The following WNT3 variants were observed in gnomAD, a reference collection of about 807,000 sequenced individuals.
WNT3 encodes the protein Wnt family member 3, also known as proto-oncogene Wnt-3.
A neutral mutation model predicts 34.2 loss-of-function variants in WNT3; 7 were observed. The ratio of observed to expected loss-of-function variants is 0.20; its 90% CI spans 0.12 to 0.38. The LOEUF is 0.38. WNT3 is among the 10% of genes least tolerant of loss of function. The probability of loss-of-function intolerance (pLI) is 1.00; values close to 1 mark genes in which losing one functional copy is unlikely to be tolerated. For synonymous variants in WNT3, 212 were observed against 211.5 expected, an observed-to-expected ratio of 1.00 and a Z score of -0.02; for missense variants, 267 against 499.8, an observed-to-expected ratio of 0.53 and a Z score of 4.44.
chr17:46,785,452 A>T (rs1010844773), intron 1 of WNT3, among the ~76,000 whole-genome samples: 4 of 152,248 alleles, frequency 2.6e-5, no homozygotes, highest in African/African-American at 9.6e-5. Flanking sequence ...GAGAAAAGAT[A>T]ACCAAGGAAA....
At chr17:46,779,103 A>ACACACACAC (rs749719578) in intron 1 of WNT3, among the ~76,000 whole-genome samples, 325 of 133,628 alleles carry the variant, frequency 2.4e-3, no homozygotes, top group African/African-American at 8.1e-3. Context: ...ACACACACAC[A>ACACACACAC]CCCCAGCCCA....
At position 46,818,392 on chromosome 17, in the gene WNT3, G is replaced by A. The variant is rs1218151986; in HGVS notation, c.80+126C>T. 41 of 883,130 alleles carry A rather than the reference G, an allele frequency of 4.6e-5. No individual in the cohort carries two copies. In the East Asian group the frequency reaches 1.1e-3, roughly 24 times the overall value. 54.7% of individuals were successfully genotyped at this position (883,130 alleles called of 1,614,324 possible). ...GAAAATCCAGGAGGGGTGGGCGGGT[G>A]GGGGGCTGGAGGGAGGCGAGGAGAG... On this transcript the variant is annotated intron_variant, in intron 1 of 4. Coordinates refer to ENST00000225512, the MANE Select transcript of WNT3 (RefSeq NM_030753.5).
At position 46,768,012 on chromosome 17, in the gene WNT3, T is replaced by C. The variant is rs1179049451; in HGVS notation, c.*8+300A>G. On this transcript the variant is annotated intron_variant, in intron 4 of 4. Transcript: ENST00000225512. The surrounding 1 kb of genome is among the most constrained non-coding windows in gnomAD (Gnocchi z 5.0). ...CATGTTGGCCAGGCCGGTCTCGAACTCCTGACCTCAGGTGATCCGTCCACC... is the reference window on the plus strand; with the variant it reads ...CATGTTGGCCAGGCCGGTCTCGAACCCCTGACCTCAGGTGATCCGTCCACC... Among the ~76,000 whole-genome samples, 1 of 152,168 alleles carries C rather than the reference T, an allele frequency of 6.6e-6. No individual in the cohort carries two copies. The highest frequency in any genetic ancestry group is 6.5e-5 in the Admixed American group (1 of 15,270).
rs137899307 is a variant in WNT3, at chr17:46,792,694, G to A, written c.81-18785C>T. ...TCACTATGTTGACCAGGCTAGCCTC[G>A]AACTACTGACCACGTGATCTGCCCA... On this transcript the variant is annotated intron_variant, in intron 1 of 4. Coordinates refer to ENST00000225512, the MANE Select transcript of WNT3 (RefSeq NM_030753.5). Among the ~76,000 whole-genome samples, 1,177 of 152,094 alleles carry A rather than the reference G, an allele frequency of 7.7e-3. 14 individuals carry two copies. The highest frequency in any genetic ancestry group is 0.027 in the African/African-American group (1,128 of 41,480).
At chr17:46,792,795 G>T (rs1412267489) in intron 1 of WNT3, among the ~76,000 whole-genome samples, 1 of 152,196 alleles carries the variant, frequency 6.6e-6, no homozygotes, top group Non-Finnish European at 1.5e-5. Context: ...AATAATAATA[G>T]TTAACATTTA....
chr17:46,779,103 A>ACACACACACACACACACACACACCCCCC (rs749719578), intron 1 of WNT3, among the ~76,000 whole-genome samples: 1 of 133,664 alleles, frequency 7.5e-6, no homozygotes, highest in African/African-American at 2.7e-5. Flanking sequence ...ACACACACAC[A>ACACACACACACACACACACACACCCCCC]CCCCAGCCCA....
chr17:46,779,096 CA>C lies in WNT3; in HGVS notation c.81-5188del, dbSNP rs1568079859. Among the ~76,000 whole-genome samples the C allele has an allele frequency of 2.5e-4, 34 of 135,502 alleles. 1 individual carries two copies. In the East Asian group the frequency reaches 3.9e-3, roughly 16 times the overall value. The allele number at this position is 135,502 out of a possible 152,430, so 88.9% of individuals were successfully genotyped here. The stretch of plus-strand genomic sequence containing the variant: ...ACACACACACACACACACACACACA[CA>C]CACACACCCCAGCCCACTCGGCCTT... On this transcript the variant is annotated intron_variant, in intron 1 of 4. Transcript: ENST00000225512.
chr17:46,805,282 A>G (rs186840232), intron 1 of WNT3, among the ~76,000 whole-genome samples: 3 of 151,794 alleles, frequency 2.0e-5, no homozygotes, highest in East Asian at 3.9e-4. Flanking sequence ...TACAAAAAAA[A>G]AGAAAAAAGG....
intron 1 of WNT3, among the ~76,000 whole-genome samples, chr17:46,815,372 G>C (rs1208372945): frequency 6.6e-6 from 1 of 152,166 alleles, no homozygotes; most frequent in African/African-American, 2.4e-5. Flanking sequence ...GTCAGGACTG[G>C]GGTCTGAGCA....
At chr17:46,781,495 C>A (rs1010696671) in intron 1 of WNT3, among the ~76,000 whole-genome samples, 16 of 151,916 alleles carry the variant, frequency 1.1e-4, no homozygotes, top group African/African-American at 3.9e-4. Flanking sequence ...AGCAACCAGA[C>A]ACATAAGGAC....
intron 1 of WNT3, among the ~76,000 whole-genome samples, chr17:46,785,387 G>T (rs1359346415): frequency 1.3e-5 from 2 of 152,214 alleles, no homozygotes; most frequent in East Asian, 3.9e-4. Context: ...TGACTGAGTG[G>T]AAGGGGATAT....
In WNT3 at chr17:46,804,237, G is replaced by A. The variant is rs149880703; in HGVS notation, c.80+14281C>T. Among the ~76,000 whole-genome samples the A allele has an allele frequency of 4.0e-3, 611 of 152,122 alleles. 6 individuals are homozygous for A. Among genetic ancestry groups the A allele is most frequent in the African/African-American group, 0.013 (556 of 41,496 alleles). On this transcript the variant is annotated intron_variant, in intron 1 of 4. Transcript: ENST00000225512. Reference sequence around the variant, plus strand: ...CCAGCAGCTGGGACTACAGGTGCGTGCCACCACACCCGGCTAATTTTTGTA... The same window carrying A: ...CCAGCAGCTGGGACTACAGGTGCGTACCACCACACCCGGCTAATTTTTGTA...
rs572061643 is a variant in WNT3 at position 46,813,194 on chromosome 17, G to A, written c.80+5324C>T. ...CGGAATGTGTGCAGTAGAGTGTCAT[G>A]CTTCACAGCAACGAGCCCAGAACCT... On this transcript the variant is annotated intron_variant, in intron 1 of 4. Coordinates refer to ENST00000225512, the MANE Select transcript of WNT3 (RefSeq NM_030753.5). Among the ~76,000 whole-genome samples the A allele has an allele frequency of 1.1e-4, 16 of 152,014 alleles. No homozygotes were observed. In the East Asian group the frequency reaches 2.9e-3, roughly 28 times the overall value.
intron 2 of WNT3, among the ~76,000 whole-genome samples, chr17:46,770,801 T>G (rs1036499952): frequency 6.6e-6 from 1 of 152,200 alleles, no homozygotes; most frequent in Non-Finnish European, 1.5e-5. Context: ...TGCTCCAGCC[T>G]CCTCACAACG....
intron 1 of WNT3, among the ~76,000 whole-genome samples, chr17:46,788,989 T>C (rs1172656751): frequency 6.6e-6 from 1 of 152,208 alleles, no homozygotes; most frequent in East Asian, 1.9e-4. Context: ...CTGTGCTGCT[T>C]GGCTGGGAGC....
At chr17:46,766,061 A>G (rs533204161) in intron 4 of WNT3, among the ~76,000 whole-genome samples, 65 of 152,046 alleles carry the variant, frequency 4.3e-4, no homozygotes, top group African/African-American at 1.3e-3. Context: ...AAGATTGAGG[A>G]AAAAAAACAC....
At chr17:46,818,492 G>C in intron 1 of WNT3, 26 bp downstream of exon 1, 1 of 1,588,084 alleles carries the variant, frequency 6.3e-7, no homozygotes, top group African/African-American at 1.3e-5. Context: ...AAACCGGGCC[G>C]CGGGCAGACA....
At chr17:46,800,462 G>A (rs2084109924) in intron 1 of WNT3, among the ~76,000 whole-genome samples, 1 of 152,238 alleles carries the variant, frequency 6.6e-6, no homozygotes, top group East Asian at 1.9e-4. Flanking sequence ...TGATGTGTGA[G>A]GCTCGCTAGT....
intron 4 of WNT3, among the ~76,000 whole-genome samples, chr17:46,765,580 G>C (rs1423850797): frequency 6.6e-6 from 1 of 152,134 alleles, no homozygotes; most frequent in Non-Finnish European, 1.5e-5. Flanking sequence ...TGTCAGGGAA[G>C]ACAAGAGAAC....
Sources: allele counts gnomAD v4.1 joint callset (sites outside exome capture counted in the v4.1 genomes callset), GRCh38; gene constraint gnomAD v4.1.1; non-coding constraint Gnocchi (gnomAD v3.1); transcripts MANE v1.5; gene names NCBI Gene and HGNC (gene_info 2026-07-23, HGNC 2026-07-21).